The following CUX1 variants were observed in gnomAD, a reference collection of about 807,000 sequenced individuals.
CUX1 encodes protein CASP.
A neutral mutation model predicts 158.8 loss-of-function variants in CUX1; 31 were observed. The observed-to-expected ratio is 0.20, with a 90% CI of 0.15 to 0.26. CUX1 has a LOEUF of 0.26. Ranked by LOEUF, CUX1 falls within the 10% of genes least tolerant of loss-of-function variation. The probability of loss-of-function intolerance (pLI) is 1.00; values close to 1 mark genes in which losing one functional copy is unlikely to be tolerated. For synonymous variants in CUX1, 879 were observed against 862.1 expected (o/e 1.02, Z -0.34); for missense variants, 1,589 against 2,014.6 (o/e 0.79, Z 4.04).
chr7:101,816,970 C>T (rs1791892010), upstream of CUX1: 1 of 983,724 alleles, frequency 1.0e-6, no homozygotes, highest in Admixed American at 6.2e-5. Flanking sequence ...CACCCGCGCA[C>T]CTCGCGGCCG....
In CUX1 at chr7:102,251,885, A is replaced by T. The variant is rs1243076517; in HGVS notation, c.*2843A>T. 6 of 985,436 alleles carry T rather than the reference A, an allele frequency of 6.1e-6. No homozygotes were observed. Among genetic ancestry groups the T allele is most frequent in the Non-Finnish European group, 7.2e-6 (6 of 829,930 alleles). 61.0% of individuals were successfully genotyped at this position (985,436 alleles called of 1,614,324 possible). A position where few individuals can be genotyped will look rare whatever the true frequency, so the allele number is the denominator to read the frequency against. On this transcript the variant is annotated 3_prime_UTR_variant, in exon 24 of 24. Transcript: ENST00000292535. ...AATCTGAGGAAATTGACAAATACAG[A>T]TTTGTCCATTCTAGTGGCCAAACAG...
At chr7:102,032,782 A>C (rs1397038342) in intron 3 of CUX1, among the ~76,000 whole-genome samples, 1 of 152,238 alleles carries the variant, frequency 6.6e-6, no homozygotes, top group Admixed American at 6.5e-5. Flanking sequence ...ATATCGATTG[A>C]TTGATTATGA....
chr7:102,191,728 C>T (rs782252545), intron 12 of CUX1, among the ~76,000 whole-genome samples: 6 of 151,804 alleles, frequency 4.0e-5, no homozygotes, highest in Non-Finnish European at 7.4e-5. Context: ...CTTCTTTCTT[C>T]CTCTCTTCTT....
chr7:102,279,423 A>T (rs1442365636), intron 18 of CUX1, among the ~76,000 whole-genome samples: 2 of 152,178 alleles, frequency 1.3e-5, no homozygotes, highest in African/African-American at 4.8e-5. Context: ...TGGATCAGAA[A>T]CTCACTTGCC....
rs57542003 is a variant in CUX1 at position 101,841,291 on chromosome 7, A to AT, written c.30+23632dup. On this transcript the variant is annotated intron_variant, in intron 1 of 23. Transcript: ENST00000292535. Reference sequence around the variant, plus strand: ...AACTTAACTGTTCTGTGATCATAGTATTTTTTTTTTGTAAATCTGTTTTGA... The same window carrying AT: ...AACTTAACTGTTCTGTGATCATAGTATTTTTTTTTTTGTAAATCTGTTTTGA... 6.0e-3 allele frequency among the ~76,000 whole-genome samples: 888 copies of AT among 148,990 alleles called. 6 individuals are homozygous for AT. The highest frequency in any genetic ancestry group is 7.0e-3 in the Non-Finnish European group (472 of 67,014).
intron 20 of CUX1, among the ~76,000 whole-genome samples, chr7:102,207,993 G>A (rs981306971): frequency 3.3e-5 from 5 of 152,066 alleles, no homozygotes; most frequent in Non-Finnish European, 7.3e-5. Flanking sequence ...TTCGAGACCA[G>A]CCTGGGCAAC....
At chr7:102,078,325 C>T (rs1827002149) in intron 4 of CUX1, among the ~76,000 whole-genome samples, 1 of 152,196 alleles carries the variant, frequency 6.6e-6, no homozygotes, top group Non-Finnish European at 1.5e-5. Flanking sequence ...ATCCTCCCGC[C>T]TCGGCCTCCC....
chr7:102,239,895 C>T (rs1471513565), intron 23 of CUX1, among the ~76,000 whole-genome samples: 1 of 152,072 alleles, frequency 6.6e-6, no homozygotes, highest in Non-Finnish European at 1.5e-5. Flanking sequence ...TACAGGCATG[C>T]ACCACCAAGC....
chr7:102,248,738 C>A lies in CUX1; in HGVS notation c.4214C>A (p.Pro1405His). The A allele has an allele frequency of 9.2e-7, 1 of 1,087,260 alleles. No homozygotes were observed. Among genetic ancestry groups the A allele is most frequent in the South Asian group, 3.5e-5 (1 of 28,282 alleles). 67.4% of individuals were successfully genotyped at this position (1,087,260 alleles called of 1,614,324 possible). A position where few individuals can be genotyped will look rare whatever the true frequency, so the allele number is the denominator to read the frequency against. ...GAAGGCCCGGGGCCCCTGCCCAGCCCCGCCTCCGCGACCGCCACCGCCGCG... is the reference window on the plus strand; with the variant it reads ...GAAGGCCCGGGGCCCCTGCCCAGCCACGCCTCCGCGACCGCCACCGCCGCG... ...PVEGPGPLPS[P>H]ASATATAAPA... Residue 1405 changes from proline (P) to histidine (H), a missense_variant, in exon 24 of 24, where the codon CCC becomes CAC. Pro to His is a moderately conservative substitution (Grantham distance 77). Around this residue, in one of 8 missense-constraint regions of CUX1, gnomAD observed 344 missense variants for 323.7 expected, o/e 1.06. Coordinates refer to ENST00000292535, the MANE Select transcript of CUX1 (RefSeq NM_181552.4). The surrounding 1 kb of genome is among the most constrained non-coding windows in gnomAD (Gnocchi z 5.8).
At chr7:102,200,832 C>G (rs1462242690) in intron 17 of CUX1, among the ~76,000 whole-genome samples, 1 of 151,750 alleles carries the variant, frequency 6.6e-6, no homozygotes, top group South Asian at 2.1e-4. Flanking sequence ...GAGTTTAAGA[C>G]CAGCCTATGC....
intron 11 of CUX1, among the ~76,000 whole-genome samples, chr7:102,180,353 C>T (rs2131805603): frequency 7.0e-6 from 1 of 143,808 alleles, no homozygotes; most frequent in African/African-American, 2.6e-5. Flanking sequence ...GTCTCACTCA[C>T]TGGCCCAGAC....
intron 13 of CUX1, among the ~76,000 whole-genome samples, chr7:102,194,515 G>T (rs535767571): frequency 6.7e-6 from 1 of 149,980 alleles, no homozygotes; most frequent in Non-Finnish European, 1.5e-5. Flanking sequence ...CAGGAAGATC[G>T]CTTGAGCCCA....
At chr7:102,169,208 T>C (rs1452001582) in intron 9 of CUX1, among the ~76,000 whole-genome samples, 6 of 152,080 alleles carry the variant, frequency 3.9e-5, no homozygotes, top group African/African-American at 1.4e-4. Flanking sequence ...GCTGGGATTA[T>C]AGGCGTGAGC....
In CUX1 at chr7:102,229,897, C is replaced by T. The variant is rs1005414824; in HGVS notation, c.3433+2228C>T. The stretch of plus-strand genomic sequence containing the variant: ...TTGGCCTCCAAAAATGCTGGGATTA[C>T]AGGCATGAGCCACCACACCAGCCAA... On this transcript the variant is annotated intron_variant, in intron 21 of 23. Transcript: ENST00000292535. 3.9e-5 allele frequency among the ~76,000 whole-genome samples: 6 copies of T among 152,180 alleles called. No individual in the cohort carries two copies. The East Asian group carries it at 5.8e-4, about 15-fold the overall frequency.
In CUX1 at chr7:102,249,196, A is replaced by T. The variant is rs1365398258; in HGVS notation, c.*154A>T. 3 of 1,115,828 alleles carry T rather than the reference A, an allele frequency of 2.7e-6. No individual in the cohort carries two copies. In the African/African-American group the frequency reaches 5.0e-5, roughly 19 times the overall value. The allele number at this position is 1,115,828 out of a possible 1,614,324, so 69.1% of individuals were successfully genotyped here. A position where few individuals can be genotyped will look rare whatever the true frequency, so the allele number is the denominator to read the frequency against. ...TGAGCCCGCAGCCCAGACCCCCTCC[A>T]CGGTCCGCGGCCTGCACCGACCCGA... is the stretch of plus-strand genomic sequence containing the variant. On this transcript the variant is annotated 3_prime_UTR_variant, in exon 24 of 24. Transcript: ENST00000292535.
rs574142813 is a variant in CUX1, at chr7:101,974,437, A to G, written c.142-53661A>G. ...TGTGAAGTGCTGTATAATGATTAAG[A>G]TAGAAAGGAGAAACTAGGAAACGAG... On this transcript the variant is annotated intron_variant, in intron 2 of 23. Coordinates refer to ENST00000292535, the MANE Select transcript of CUX1 (RefSeq NM_181552.4). Among the ~76,000 whole-genome samples, 6 of 152,308 alleles carry G rather than the reference A, an allele frequency of 3.9e-5. No individual in the cohort carries two copies. The South Asian group carries it at 6.2e-4, about 16-fold the overall frequency.
chr7:101,940,496 C>G (rs1807576313), intron 2 of CUX1, among the ~76,000 whole-genome samples: 1 of 152,020 alleles, frequency 6.6e-6, no homozygotes, highest in South Asian at 2.1e-4. Flanking sequence ...GAGGCCAGAG[C>G]TGTCCTCCTC....
At chr7:101,946,544 C>CAAA (rs386410843) in intron 2 of CUX1, among the ~76,000 whole-genome samples, 47 of 77,628 alleles carry the variant, frequency 6.1e-4, no homozygotes, top group Admixed American at 9.4e-4. Context: ...GACTCCGTCT[C>CAAA]AAAAAAAAAA....
chr7:102,000,470 A>G (rs1026798535), intron 2 of CUX1, among the ~76,000 whole-genome samples: 22 of 152,222 alleles, frequency 1.4e-4, no homozygotes, highest in African/African-American at 5.3e-4. Flanking sequence ...AGTTCTAAAG[A>G]TTTTTAAACA....
Sources: allele counts gnomAD v4.1 joint callset (sites outside exome capture counted in the v4.1 genomes callset), GRCh38; gene constraint gnomAD v4.1.1; regional missense constraint gnomAD v4.1.1; non-coding constraint Gnocchi (gnomAD v3.1); transcripts MANE v1.5; gene names NCBI Gene and HGNC (gene_info 2026-07-23, HGNC 2026-07-21).